Variants in GPC5 observed in about 807,000 individuals in gnomAD.
The protein encoded by GPC5 is glypican 5.
In GPC5, 47 loss-of-function variants were observed where a neutral mutation model predicts 53.9. That is an observed-to-expected ratio of 0.87 (90% confidence interval 0.69 to 1.11). The LOEUF is 1.11. Among genes scored for constraint, GPC5 ranks in the 50% most tolerant of loss-of-function variants. The probability of loss-of-function intolerance (pLI) is 0.00; values close to 1 mark genes in which losing one functional copy is unlikely to be tolerated. For synonymous variants in GPC5, 286 were observed against 263.3 expected (o/e 1.09, Z -0.84); for missense variants, 748 against 713.1 (o/e 1.05, Z -0.56).
At chr13:92,475,158 T>C (rs1478960788) in intron 7 of GPC5, among the ~76,000 whole-genome samples, 1 of 152,024 alleles carries the variant, frequency 6.6e-6, no homozygotes, top group Non-Finnish European at 1.5e-5. Context: ...TTTGTTCTTT[T>C]GGCTTAGGAT....
At chr13:91,710,402 GATAA>G (rs1430076011) in intron 3 of GPC5, among the ~76,000 whole-genome samples, 2 of 152,222 alleles carry the variant, frequency 1.3e-5, no homozygotes, top group African/African-American at 4.8e-5. Flanking sequence ...CTTTTATGCA[GATAA>G]ATACTCTGAT....
chr13:92,291,848 A>G (rs1409902600), intron 7 of GPC5, among the ~76,000 whole-genome samples: 1 of 152,150 alleles, frequency 6.6e-6, no homozygotes, highest in African/African-American at 2.4e-5. Flanking sequence ...TAAGAGCTGT[A>G]ACACTCACCA....
intron 7 of GPC5, among the ~76,000 whole-genome samples, chr13:92,397,970 C>T (rs535421445): frequency 3.9e-5 from 6 of 152,174 alleles, no homozygotes; most frequent in African/African-American, 1.4e-4. Context: ...GTGCAGTCAC[C>T]ATTTCAGCTA....
chr13:92,613,684 A>G (rs1327718849), intron 7 of GPC5, among the ~76,000 whole-genome samples: 1 of 137,554 alleles, frequency 7.3e-6, no homozygotes, highest in Middle Eastern at 3.3e-3. Flanking sequence ...TATATTTTAT[A>G]TAATATATAT....
At chr13:92,595,303 C>G (rs1355032227) in intron 7 of GPC5, among the ~76,000 whole-genome samples, 1 of 152,246 alleles carries the variant, frequency 6.6e-6, no homozygotes, top group East Asian at 1.9e-4. Flanking sequence ...ATAAAATCAG[C>G]CAGTATTCTG....
At chr13:92,003,325 C>CAAAA (rs57075719) in intron 6 of GPC5, among the ~76,000 whole-genome samples, 823 of 98,196 alleles carry the variant, frequency 8.4e-3, no homozygotes, top group Non-Finnish European at 0.011. Flanking sequence ...TGTCTTAACA[C>CAAAA]AAAAAAAAAA....
chr13:92,736,558 T>C (rs984132937), intron 7 of GPC5, among the ~76,000 whole-genome samples: 6 of 151,916 alleles, frequency 3.9e-5, no homozygotes, highest in African/African-American at 1.4e-4. Context: ...TCCACACCAG[T>C]GTGACTTTCT....
chr13:92,475,415 C>CTG (rs1430044613), intron 7 of GPC5, among the ~76,000 whole-genome samples: 1 of 146,394 alleles, frequency 6.8e-6, no homozygotes, highest in Non-Finnish European at 1.5e-5. Context: ...AGAGGTCCTT[C>CTG]ACATCCCTTG....
At position 92,415,296 on chromosome 13, in the gene GPC5, C is replaced by T. The variant is rs71427573; in HGVS notation, c.1561+270307C>T. ...GAGAGTGGAGTGAATTGGAGGAAGC[C>T]CTGAATGGATGTGAAAGACCAGTTA... On this transcript the variant is annotated intron_variant, in intron 7 of 7. Transcript: ENST00000377067. Among the ~76,000 whole-genome samples the T allele has an allele frequency of 5.1e-3, 779 of 152,048 alleles. 11 individuals are homozygous for T. Among genetic ancestry groups the T allele is most frequent in the Middle Eastern group, 0.021 (6 of 292 alleles).
At chr13:91,824,980 T>C (rs2038554094) in intron 5 of GPC5, among the ~76,000 whole-genome samples, 1 of 152,132 alleles carries the variant, frequency 6.6e-6, no homozygotes, top group South Asian at 2.1e-4. Flanking sequence ...AATAAATGGT[T>C]ATGCAGAAAT....
intron 2 of GPC5, among the ~76,000 whole-genome samples, chr13:91,560,931 A>G (rs1401238520): frequency 2.6e-5 from 4 of 152,050 alleles, no homozygotes; most frequent in African/African-American, 9.7e-5. Context: ...CCTCCTTACC[A>G]TTTTATACCA....
At chr13:91,977,955 A>AGAAAGAAAGAAAGAAAGAAAGAAAGAAAG (rs1555301807) in intron 6 of GPC5, among the ~76,000 whole-genome samples, 61 of 142,982 alleles carry the variant, frequency 4.3e-4, no homozygotes, top group African/African-American at 1.7e-3. Context: ...TCTAAAAGAA[A>AGAAAGAAAGAAAGAAAGAAAGAAAGAAAG]AAAGAAAGAA....
intron 1 of GPC5, among the ~76,000 whole-genome samples, chr13:91,427,948 G>A (rs1879170301): frequency 6.6e-6 from 1 of 152,126 alleles, no homozygotes; most frequent in African/African-American, 2.4e-5. Context: ...CTTGCCTGAT[G>A]CCATGTAAGA....
intron 7 of GPC5, among the ~76,000 whole-genome samples, chr13:92,753,647 A>T (rs1356862359): frequency 6.6e-6 from 1 of 152,196 alleles, no homozygotes; most frequent in Non-Finnish European, 1.5e-5. Context: ...GAGCTGATGG[A>T]GCTGAAAACC....
intron 7 of GPC5, among the ~76,000 whole-genome samples, chr13:92,550,043 A>G (rs893263887): frequency 3.3e-5 from 5 of 151,910 alleles, no homozygotes; most frequent in African/African-American, 4.8e-5. Context: ...AGAGATATCT[A>G]TTCTTCAAAG....
chr13:92,508,749 T>C (rs1209313981), intron 7 of GPC5, among the ~76,000 whole-genome samples: 2 of 152,220 alleles, frequency 1.3e-5, no homozygotes, highest in Non-Finnish European at 2.9e-5. Flanking sequence ...GGCAATAAAT[T>C]AGTCAAGTCA....
rs1346519144 is a variant in GPC5 at position 92,305,343 on chromosome 13, ACT to A, written c.1561+160357_1561+160358del. Among the ~76,000 whole-genome samples, 103 of 152,274 alleles carry A rather than the reference ACT, an allele frequency of 6.8e-4. 1 individual carries two copies. The highest frequency in any genetic ancestry group is 2.3e-3 in the African/African-American group (95 of 41,540). ...TTAAAAGGTATGTAAATATATATAG[ACT>A]CTGAGGAAAAAGTCTCAAATACCTA... On this transcript the variant is annotated intron_variant, in intron 7 of 7. Coordinates refer to ENST00000377067, the MANE Select transcript of GPC5 (RefSeq NM_004466.6).
chr13:91,537,593 T>A (rs567993432), intron 2 of GPC5, among the ~76,000 whole-genome samples: 1 of 152,300 alleles, frequency 6.6e-6, no homozygotes, highest in South Asian at 2.1e-4. Context: ...TTCCAAACAT[T>A]AAACATGAAT....
intron 7 of GPC5, among the ~76,000 whole-genome samples, chr13:92,308,847 T>A (rs2043127906): frequency 1.3e-5 from 2 of 152,116 alleles, no homozygotes; most frequent in Admixed American, 6.5e-5. Context: ...ACAAAGCAAG[T>A]TATGGTTCAA....
Sources: allele counts gnomAD v4.1 joint callset (sites outside exome capture counted in the v4.1 genomes callset), GRCh38; gene constraint gnomAD v4.1.1; transcripts MANE v1.5; gene names NCBI Gene and HGNC (gene_info 2026-07-23, HGNC 2026-07-21).